The following SLCO1B3 variants were observed in gnomAD, a reference collection of about 807,000 sequenced individuals.
SLCO1B3 encodes liver-specific organic anion transporter 2.
In SLCO1B3, 72 loss-of-function variants were observed where a neutral mutation model predicts 71.8. The observed-to-expected ratio is 1.00, with a 90% CI of 0.83 to 1.22. The LOEUF is 1.22. Among genes scored for constraint, SLCO1B3 ranks in the 50% most tolerant of loss-of-function variants. The probability of loss-of-function intolerance (pLI) is 0.00; values close to 1 mark genes in which losing one functional copy is unlikely to be tolerated. For missense variants in SLCO1B3, 911 were observed against 819.7 expected (o/e 1.11, Z -1.36); for synonymous variants, 298 against 278.4 (o/e 1.07, Z -0.70).
rs80119645 is a variant in SLCO1B3, at chr12:20,884,941, T to C, written c.1682+1339T>C. ...GCTTCATCTTAATATAAAATGTCAA[T>C]TCAGAAGGAGAAGCCTTCTGTATTT... On this transcript the variant is annotated intron_variant, in intron 13 of 15. Transcript: ENST00000381545. Among the ~76,000 whole-genome samples the C allele has an allele frequency of 1.2e-3, 188 of 152,216 alleles. 5 individuals are homozygous for C. The East Asian group carries it at 0.032, about 26-fold the overall frequency.
chr12:20,829,186 AGGATC>A (rs1864488406), intron 3 of SLCO1B3, among the ~76,000 whole-genome samples: 1 of 152,246 alleles, frequency 6.6e-6, no homozygotes, highest in African/African-American at 2.4e-5. Flanking sequence ...TACAATTTAT[AGGATC>A]GCTGAGTGAT....
intron 3 of SLCO1B3, among the ~76,000 whole-genome samples, chr12:20,849,406 C>T (rs1490240103): frequency 3.3e-5 from 5 of 151,960 alleles, no homozygotes; most frequent in Admixed American, 6.6e-5. Context: ...CCTCTCTCAA[C>T]ATGATAAGGG....
chr12:20,884,295 A>C (rs939211952), intron 13 of SLCO1B3, among the ~76,000 whole-genome samples: 1 of 152,204 alleles, frequency 6.6e-6, no homozygotes, highest in Non-Finnish European at 1.5e-5. Flanking sequence ...GTTTGTCTTA[A>C]TAAGGAAAAA....
intron 3 of SLCO1B3, among the ~76,000 whole-genome samples, chr12:20,819,641 A>G (rs561497389): frequency 2.3e-4 from 35 of 152,294 alleles, no homozygotes; most frequent in Non-Finnish European, 3.7e-4. Context: ...GTCTGGTTTT[A>G]GGACAGGTAA....
chr12:20,827,719 A>G (rs942083133), intron 3 of SLCO1B3, among the ~76,000 whole-genome samples: 1 of 152,038 alleles, frequency 6.6e-6, no homozygotes, highest in African/African-American at 2.4e-5. Flanking sequence ...CTGCAGGCAC[A>G]TGCCACCATG....
At chr12:20,840,626 C>T (rs971620275) in intron 3 of SLCO1B3, among the ~76,000 whole-genome samples, 3 of 152,038 alleles carry the variant, frequency 2.0e-5, no homozygotes, top group African/African-American at 7.2e-5. Context: ...CTCCTGACCT[C>T]ACAATCCACC....
Position 20,888,346 on chromosome 12 carries a change from A to AT in SLCO1B3, c.1682+4752dup, listed in dbSNP as rs886428317. On this transcript the variant is annotated intron_variant, in intron 13 of 15. Transcript: ENST00000381545. ...ATTCATGAGCGTAGGATGTTTTTCT[A>AT]TTTTTTTTGTGACATATATGACTTT... is the stretch of plus-strand genomic sequence containing the variant. Among the ~76,000 whole-genome samples the AT allele has an allele frequency of 9.2e-5, 14 of 151,380 alleles. No homozygotes were observed. The South Asian group carries it at 1.3e-3, about 14-fold the overall frequency.
At chr12:20,822,276 C>T (rs569152297) in intron 3 of SLCO1B3, among the ~76,000 whole-genome samples, 94 of 151,860 alleles carry the variant, frequency 6.2e-4, no homozygotes, top group African/African-American at 2.0e-3. Flanking sequence ...GGGCTGAGTC[C>T]GAAAAGAGAG....
At chr12:20,814,261 A>C (rs1272900784) in intron 2 of SLCO1B3, among the ~76,000 whole-genome samples, 1 of 152,094 alleles carries the variant, frequency 6.6e-6, no homozygotes, top group African/African-American at 2.4e-5. Context: ...TGGTCTTTAA[A>C]ATAGGGGCTT....
intron 8 of SLCO1B3, among the ~76,000 whole-genome samples, chr12:20,867,539 A>G (rs1033680588): frequency 3.3e-5 from 5 of 152,296 alleles, no homozygotes; most frequent in Admixed American, 6.5e-5. Context: ...CTTGATGGAG[A>G]TAAGTGCTTC....
intron 3 of SLCO1B3, among the ~76,000 whole-genome samples, chr12:20,820,225 C>T (rs377625102): frequency 2.2e-4 from 34 of 152,016 alleles, no homozygotes; most frequent in East Asian, 3.9e-4. Context: ...TAAAGCTCGG[C>T]GTCCGTGATG....
At chr12:20,914,689 G>A (rs1866457892) in intron 15 of SLCO1B3, among the ~76,000 whole-genome samples, 1 of 152,144 alleles carries the variant, frequency 6.6e-6, no homozygotes, top group African/African-American at 2.4e-5. Context: ...TTTCTTGCAA[G>A]GAGAGTCTAC....
At chr12:20,836,065 G>T (rs1370500188) in intron 3 of SLCO1B3, among the ~76,000 whole-genome samples, 2 of 152,190 alleles carry the variant, frequency 1.3e-5, no homozygotes, top group African/African-American at 4.8e-5. Context: ...GTGTACAGGA[G>T]AACTGCACTT....
intron 8 of SLCO1B3, among the ~76,000 whole-genome samples, chr12:20,868,546 CTT>C (rs1865414801): frequency 6.6e-6 from 1 of 152,196 alleles, no homozygotes; most frequent in African/African-American, 2.4e-5. Flanking sequence ...GAGTTTGACT[CTT>C]TTGTATGCCT....
chr12:20,875,962 A>G (rs950056759), intron 9 of SLCO1B3, among the ~76,000 whole-genome samples: 2 of 151,996 alleles, frequency 1.3e-5, no homozygotes, highest in African/African-American at 4.8e-5. Context: ...ATATTTAACT[A>G]TTCTCAGGTG....
intron 3 of SLCO1B3, among the ~76,000 whole-genome samples, chr12:20,849,927 A>G (rs1864990695): frequency 6.6e-6 from 1 of 152,076 alleles, no homozygotes. Flanking sequence ...ATAAATGGAA[A>G]AACATCCAGT....
chr12:20,832,871 A>G lies in SLCO1B3; in HGVS notation c.84+17049A>G, dbSNP rs561649536. Among the ~76,000 whole-genome samples, 118 of 152,328 alleles carry G rather than the reference A, an allele frequency of 7.7e-4. 2 individuals are homozygous for G. The South Asian group carries it at 0.024, about 31-fold the overall frequency. ...TTTTCATAGTATTTATCACCAGCTG[A>G]CACTAAGACCCCAAAACGCACCTGT... On this transcript the variant is annotated intron_variant, in intron 3 of 15. Coordinates refer to ENST00000381545, the MANE Select transcript of SLCO1B3 (RefSeq NM_019844.4).
At chr12:20,915,961 A>G (rs1194591092) in intron 15 of SLCO1B3, 43 bp from the exon 16 acceptor site, 1 of 1,483,176 alleles carries the variant, frequency 6.7e-7, no homozygotes, top group Admixed American at 2.1e-5. Context: ...GATATTTTAC[A>G]CATTTAAAAT....
chr12:20,903,816 TAC>T (rs1402739572), intron 15 of SLCO1B3, among the ~76,000 whole-genome samples: 4 of 152,264 alleles, frequency 2.6e-5, no homozygotes, highest in African/African-American at 7.2e-5. Context: ...TATTGCAAAA[TAC>T]AGTTACCCTT....
Sources: allele counts gnomAD v4.1 joint callset (sites outside exome capture counted in the v4.1 genomes callset), GRCh38; gene constraint gnomAD v4.1.1; transcripts MANE v1.5; gene names NCBI Gene and HGNC (gene_info 2026-07-23, HGNC 2026-07-21).